The following TAGLN variants were observed in gnomAD, a reference collection of about 807,000 sequenced individuals.
The protein encoded by TAGLN is 22 kDa actin-binding protein.
TAGLN carries 16 observed loss-of-function variants against 21.9 expected under a neutral mutation model. The ratio of observed to expected loss-of-function variants is 0.73; its 90% CI spans 0.49 to 1.11. TAGLN has a LOEUF of 1.11. TAGLN is among the 50% of genes least tolerant of loss of function. The pLI is 0.00. For synonymous variants in TAGLN, 96 were observed against 94.9 expected (o/e 1.01, Z -0.06); for missense variants, 248 against 263.2 (o/e 0.94, Z 0.40).
rs149213147 is a variant in TAGLN at position 117,203,191 on chromosome 11, G to C, written c.178G>C (p.Val60Leu). ...LGFQVWLKNG[V>L]ILSKLVNSLY... ...CTTCCAGGTCTGGCTGAAGAATGGC[G>C]TGGTGAGTGGCACCCTGGGCTAGGG... Residue 60 changes from valine to leucine, a missense_variant and splice_region_variant, in exon 2 of 5, where the codon GTG (valine) becomes CTG (leucine). Val to Leu is a conservative substitution (Grantham distance 32). Coordinates refer to ENST00000392951, the MANE Select transcript of TAGLN (RefSeq NM_003186.5). This position sits in a 1 kb window ranked among gnomAD's most constrained non-coding sequence, Gnocchi z 4.4. The C allele has an allele frequency of 1.3e-6, 2 of 1,589,316 alleles. No individual in the cohort carries two copies. The highest frequency in any genetic ancestry group is 2.2e-5 in the East Asian group (1 of 44,468).
At chr11:117,200,992 G>C (rs997227558) in intron 1 of TAGLN, among the ~76,000 whole-genome samples, 1 of 152,160 alleles carries the variant, frequency 6.6e-6, no homozygotes, top group East Asian at 1.9e-4. Flanking sequence ...ATGGAAGCCA[G>C]GATGCAGGGC....
chr11:117,202,263 G>A (rs571777709), intron 1 of TAGLN: 2 of 152,304 alleles, frequency 1.3e-5, no homozygotes, highest in Non-Finnish European at 2.9e-5. Context: ...AGGAAATGCA[G>A]CTTCTTTGCC....
rs769118435 is a variant in TAGLN, at chr11:117,203,008, C to T, written c.-6C>T. 6.4e-7 allele frequency: 1 copy of T among 1,551,660 alleles called. No homozygotes were observed. The highest frequency in any genetic ancestry group is 8.7e-7 in the Non-Finnish European group (1 of 1,147,552). On this transcript the variant is annotated 5_prime_UTR_variant, in exon 2 of 5. Coordinates refer to ENST00000392951, the MANE Select transcript of TAGLN (RefSeq NM_003186.5). This position sits in a 1 kb window ranked among gnomAD's most constrained non-coding sequence, Gnocchi z 4.4. ...CCACCCTGGCCTGCTTTAGCTTTCCCCAGACATGGCCAACAAGGGTCCTTC... is the reference window on the plus strand; with the variant it reads ...CCACCCTGGCCTGCTTTAGCTTTCCTCAGACATGGCCAACAAGGGTCCTTC...
intron 1 of TAGLN, 134 bp from the exon 2 acceptor site, chr11:117,202,868 G>A: frequency 1.4e-6 from 1 of 714,810 alleles, no homozygotes; most frequent in South Asian, 3.1e-5. Flanking sequence ...GCCTGGCCTG[G>A]ATGGGCAGTG....
intron 1 of TAGLN, chr11:117,201,608 C>G (rs984613294): frequency 6.6e-6 from 1 of 152,310 alleles, no homozygotes; most frequent in Non-Finnish European, 1.5e-5. Flanking sequence ...ATAACCCCCA[C>G]TTCACAGATG....
At chr11:117,204,019 G>T (rs2031221455) in intron 4 of TAGLN, 135 bp downstream of exon 4, 1 of 1,037,418 alleles carries the variant, frequency 9.6e-7, no homozygotes, top group South Asian at 1.5e-5. Context: ...GGAATAATGG[G>T]TCCTTAATAC....
At chr11:117,200,972 G>A (rs1381514483) in intron 1 of TAGLN, among the ~76,000 whole-genome samples, 1 of 152,142 alleles carries the variant, frequency 6.6e-6, no homozygotes, top group East Asian at 1.9e-4. Context: ...TGAGACAGAG[G>A]CTGGGGTGGA....
rs1491575077 is a variant in TAGLN at position 117,203,526 on chromosome 11, A to AG, written c.358+45dup. On this transcript the variant is annotated intron_variant, in intron 3 of 4. Transcript: ENST00000392951. The surrounding 1 kb of genome is among the most constrained non-coding windows in gnomAD (Gnocchi z 4.4). ...TGGGGGAGGAGGTGGGCAGGAGGAC[A>AG]GGGTGCTGGGACAGGGAGAGGGAAT... The AG allele has an allele frequency of 6.2e-7, 1 of 1,604,750 alleles. No homozygotes were observed. Among genetic ancestry groups the AG allele is most frequent in the East Asian group, 2.2e-5 (1 of 44,664 alleles).
Position 117,204,362 on chromosome 11 carries a change from C to T in TAGLN, c.*3C>T, listed in dbSNP as rs765543678. 8 of 1,614,098 alleles carry T rather than the reference C, an allele frequency of 5.0e-6. No individual in the cohort carries two copies. The highest frequency in any genetic ancestry group is 6.8e-6 in the Non-Finnish European group (8 of 1,180,040). ...GACCTCGGCAGATCATCAGTTAGAGCGGAGAGGGCTAGCCCTGAGCCCGGC... is the reference window on the plus strand; with the variant it reads ...GACCTCGGCAGATCATCAGTTAGAGTGGAGAGGGCTAGCCCTGAGCCCGGC... On this transcript the variant is annotated 3_prime_UTR_variant, in exon 5 of 5. Coordinates refer to ENST00000392951, the MANE Select transcript of TAGLN (RefSeq NM_003186.5).
intron 4 of TAGLN, 105 bp from the exon 5 acceptor site, chr11:117,204,110 A>G (rs2031227246): frequency 6.5e-7 from 1 of 1,531,850 alleles, no homozygotes; most frequent in Non-Finnish European, 8.9e-7. Context: ...AAAAAAGTGC[A>G]ACAGGAAGGC....
In TAGLN at chr11:117,204,709, C is replaced by T. The variant is rs921015202; in HGVS notation, c.*350C>T. On this transcript the variant is annotated 3_prime_UTR_variant, in exon 5 of 5. Transcript: ENST00000392951. ...CGGCAAAAGCCCATTGAAGAAGAAC[C>T]AGCCCAGCCTGCCCCCTATCTTGTC... The T allele has an allele frequency of 2.6e-6, 1 of 381,276 alleles. No individual in the cohort carries two copies. The highest frequency in any genetic ancestry group is 5.0e-6 in the Non-Finnish European group (1 of 200,810). The allele number at this position is 381,276 out of a possible 1,614,324, so 23.6% of individuals were successfully genotyped here.
At position 117,203,376 on chromosome 11, in the gene TAGLN, C is replaced by T. The variant is rs752292029; in HGVS notation, c.250C>T (p.Pro84Ser). 6.2e-7 allele frequency: 1 copy of T among 1,614,190 alleles called. No homozygotes were observed. Among genetic ancestry groups the T allele is most frequent in the South Asian group, 1.1e-5 (1 of 91,088 alleles). The change falls in exon 3 of 5, where the codon CCC becomes TCC. Residue 84 changes from proline (P) to serine (S), a missense_variant. Pro to Ser is a moderately conservative substitution (Grantham distance 74). Transcript: ENST00000392951. This position sits in a 1 kb window ranked among gnomAD's most constrained non-coding sequence, Gnocchi z 4.4. The stretch of plus-strand genomic sequence containing the variant: ...GCCGGTGAAGGTGCCCGAGAACCCA[C>T]CCTCCATGGTCTTCAAGCAGATGGA... ...SKPVKVPENP[P>S]SMVFKQMEQV...
At position 117,205,686 on chromosome 11, in the gene TAGLN, T is replaced by C. The variant is rs927212695; in HGVS notation, c.*1327T>C. On this transcript the variant is annotated 3_prime_UTR_variant, in exon 5 of 5. Transcript: ENST00000392951. ...ATATGTGGGAAGGGGTCCCCCATGC[T>C]TGGGGGACCTAGGCAGCTGGCTTGG... 3.3e-6 allele frequency: 1 copy of C among 299,340 alleles called. No individual in the cohort carries two copies. The highest frequency in any genetic ancestry group is 1.6e-4 in the South Asian group (1 of 6,422). 18.5% of individuals were successfully genotyped at this position (299,340 alleles called of 1,614,324 possible).
Position 117,205,788 on chromosome 11 carries a change from C to G in TAGLN, c.*1429C>G. 2.2e-6 allele frequency: 1 copy of G among 449,492 alleles called. No individual in the cohort carries two copies. The highest frequency in any genetic ancestry group is 3.8e-5 in the Admixed American group (1 of 25,988). The allele number at this position is 449,492 out of a possible 1,614,324, so 27.8% of individuals were successfully genotyped here. On this transcript the variant is annotated 3_prime_UTR_variant, in exon 5 of 5. Transcript: ENST00000392951. ...GTCCAACACCTTCTCACCAAAAGCTCCCGTTTGGCTGGAGGCAGACCCTGT... is the reference window on the plus strand; with the variant it reads ...GTCCAACACCTTCTCACCAAAAGCTGCCGTTTGGCTGGAGGCAGACCCTGT...
chr11:117,204,245 A>C lies in TAGLN; in HGVS notation c.492A>C (p.Thr164=), dbSNP rs1381028682. The C allele has an allele frequency of 6.2e-7, 1 of 1,614,270 alleles. No homozygotes were observed. Among genetic ancestry groups the C allele is most frequent in the African/African-American group, 1.3e-5 (1 of 75,072 alleles). ...KKAQEHKREF[T]ESQLQEGKHV... ...CGCAGGAGCATAAGAGGGAATTCAC[A>C]GAGAGCCAGCTGCAGGAGGGAAAGC... Residue 164 remains threonine, a synonymous_variant, in exon 5 of 5, where the codon ACA becomes ACC. Coordinates refer to ENST00000392951, the MANE Select transcript of TAGLN (RefSeq NM_003186.5).
chr11:117,199,356 C>G (rs1047720681), upstream of TAGLN: 1 of 152,392 alleles, frequency 6.6e-6, no homozygotes, highest in African/African-American at 2.4e-5. Flanking sequence ...AACCCCTCAC[C>G]CAGCCAGCGC....
intron 1 of TAGLN, chr11:117,202,021 C>G (rs1057263842): frequency 6.6e-6 from 1 of 152,432 alleles, no homozygotes; most frequent in African/African-American, 2.4e-5. Flanking sequence ...CCTGCTGCCA[C>G]CCCTCTCCAT....
rs2031264905 is a variant in TAGLN at position 117,204,699 on chromosome 11, G to A, written c.*340G>A. ...TCCTCCTTGGCGGCAAAAGCCCATT[G>A]AAGAAGAACCAGCCCAGCCTGCCCC... On this transcript the variant is annotated 3_prime_UTR_variant, in exon 5 of 5. Coordinates refer to ENST00000392951, the MANE Select transcript of TAGLN (RefSeq NM_003186.5). 5.3e-6 allele frequency: 2 copies of A among 376,098 alleles called. No homozygotes were observed. The highest frequency in any genetic ancestry group is 2.8e-5 in the South Asian group (1 of 36,212). The allele number at this position is 376,098 out of a possible 1,614,324, so 23.3% of individuals were successfully genotyped here.
Position 117,206,276 on chromosome 11 carries a change from C to T in TAGLN, c.*1917C>T. ...CACTCCTACAAACTTGATTGGAAGCCACATTCCTCTGGCTCAAATATACTT... is the reference window on the plus strand; with the variant it reads ...CACTCCTACAAACTTGATTGGAAGCTACATTCCTCTGGCTCAAATATACTT... On this transcript the variant is annotated 3_prime_UTR_variant, in exon 5 of 5. Transcript: ENST00000392951. 2 of 1,614,170 alleles carry T rather than the reference C, an allele frequency of 1.2e-6. No homozygotes were observed. The highest frequency in any genetic ancestry group is 1.1e-5 in the South Asian group (1 of 91,088).
Sources: gnomAD v4.1 joint callset for allele counts (sites outside exome capture counted in the v4.1 genomes callset) on GRCh38, gnomAD v4.1.1 for gene constraint, Gnocchi (gnomAD v3.1) non-coding constraint, MANE v1.5 for transcripts, NCBI Gene and HGNC (gene_info 2026-07-23, HGNC 2026-07-21) for gene names.